Variants in CACNA2D1 observed in about 807,000 individuals in gnomAD.
The protein encoded by CACNA2D1 is calcium voltage-gated channel auxiliary subunit alpha2delta 1.
In CACNA2D1, 53 loss-of-function variants were observed where a neutral mutation model predicts 171.5. The ratio of observed to expected loss-of-function variants is 0.31; its 90% CI spans 0.25 to 0.39. The LOEUF (loss-of-function observed/expected upper bound fraction) is 0.39. CACNA2D1 is among the 10% of genes least tolerant of loss of function. The pLI, the probability that CACNA2D1 is intolerant of heterozygous loss-of-function variation, is 1.00. For missense variants in CACNA2D1, 903 were observed against 1,299.8 expected (o/e 0.69, Z 4.69); for synonymous variants, 442 against 443.1 (o/e 1.00, Z 0.03).
intron 6 of CACNA2D1, among the ~76,000 whole-genome samples, chr7:82,106,666 C>T (rs1787800367): frequency 1.3e-5 from 2 of 151,930 alleles, no homozygotes; most frequent in Admixed American, 6.6e-5. Context: ...TTTCTTTAAA[C>T]ATTGTGCCTA....
At chr7:82,404,807 C>T (rs1406215270) in intron 1 of CACNA2D1, among the ~76,000 whole-genome samples, 1 of 152,052 alleles carries the variant, frequency 6.6e-6, no homozygotes, top group East Asian at 1.9e-4. Context: ...ATCAGTGAGT[C>T]GAGAGAGAGA....
At chr7:82,058,878 G>A (rs901662342) in intron 10 of CACNA2D1, among the ~76,000 whole-genome samples, 2 of 152,094 alleles carry the variant, frequency 1.3e-5, no homozygotes, top group African/African-American at 4.8e-5. Context: ...TATCACCTGT[G>A]AGAGTGTTTT....
intron 1 of CACNA2D1, among the ~76,000 whole-genome samples, chr7:82,365,998 T>TA (rs1365288318): frequency 6.6e-6 from 1 of 152,134 alleles, no homozygotes; most frequent in Non-Finnish European, 1.5e-5. Context: ...AGCCAGTGAA[T>TA]GGAGAAACGT....
At chr7:82,044,220 A>G (rs1232678326) in intron 10 of CACNA2D1, among the ~76,000 whole-genome samples, 1 of 152,140 alleles carries the variant, frequency 6.6e-6, no homozygotes, top group African/African-American at 2.4e-5. Flanking sequence ...CCTTCCCCTC[A>G]GAAAGACCGT....
intron 7 of CACNA2D1, among the ~76,000 whole-genome samples, chr7:82,078,465 T>G (rs747582532): frequency 6.6e-6 from 1 of 152,188 alleles, no homozygotes; most frequent in Non-Finnish European, 1.5e-5. Context: ...TTGATAGCTA[T>G]TGAAAGCAGT....
intron 38 of CACNA2D1, among the ~76,000 whole-genome samples, chr7:81,956,121 G>A (rs1174140746): frequency 6.6e-6 from 1 of 150,544 alleles, no homozygotes; most frequent in Non-Finnish European, 1.5e-5. Context: ...TGGCGTAGCT[G>A]GGACCACCAT....
chr7:82,095,667 T>C (rs565706635), intron 6 of CACNA2D1, among the ~76,000 whole-genome samples: 2 of 151,488 alleles, frequency 1.3e-5, no homozygotes, highest in African/African-American at 4.9e-5. Context: ...ACAATATCTA[T>C]TTGTTAATGA....
intron 1 of CACNA2D1, among the ~76,000 whole-genome samples, chr7:82,432,291 C>T (rs1053183619): frequency 6.6e-6 from 1 of 152,118 alleles, no homozygotes; most frequent in Non-Finnish European, 1.5e-5. Context: ...TGCCACAAAC[C>T]GCAAGCATGG....
chr7:82,267,698 T>C (rs1313864344), intron 3 of CACNA2D1, among the ~76,000 whole-genome samples: 8 of 152,140 alleles, frequency 5.3e-5, no homozygotes, highest in Non-Finnish European at 1.2e-4. Context: ...TGAAAGCCCT[T>C]AAACCTACAA....
Position 82,333,845 on chromosome 7 carries a change from CA to C in CACNA2D1, c.294+1289del. 2.0e-5 allele frequency among the ~76,000 whole-genome samples: 3 copies of C among 152,074 alleles called. No homozygotes were observed. The South Asian group carries it at 6.2e-4, about 32-fold the overall frequency. The stretch of plus-strand genomic sequence containing the variant: ...TGCACGTGGACTAAACACATAAATG[CA>C]AAAGACAAAGCTTAGAATCATGGAG... On this transcript the variant is annotated intron_variant, in intron 3 of 38. Coordinates refer to ENST00000356860, the MANE Select transcript of CACNA2D1 (RefSeq NM_000722.4).
chr7:82,321,124 C>T (rs920000815), intron 3 of CACNA2D1, among the ~76,000 whole-genome samples: 2 of 152,030 alleles, frequency 1.3e-5, no homozygotes, highest in Non-Finnish European at 2.9e-5. Flanking sequence ...GGGTGCTGGG[C>T]GCAATGGCTC....
chr7:82,025,734 T>C (rs1801812477), intron 12 of CACNA2D1, among the ~76,000 whole-genome samples: 1 of 151,752 alleles, frequency 6.6e-6, no homozygotes, highest in Non-Finnish European at 1.5e-5. Flanking sequence ...GAATGTTCCA[T>C]ATGCACTTGA....
At chr7:81,961,314 T>G (rs1794085745) in intron 36 of CACNA2D1, among the ~76,000 whole-genome samples, 1 of 152,010 alleles carries the variant, frequency 6.6e-6, no homozygotes, top group South Asian at 2.1e-4. Flanking sequence ...TAAAAGATAT[T>G]TTATGGATAC....
intron 1 of CACNA2D1, among the ~76,000 whole-genome samples, chr7:82,437,724 T>C (rs1830212112): frequency 1.2e-5 from 1 of 83,352 alleles, no homozygotes; most frequent in South Asian, 4.1e-4. Context: ...AAAGGAGCAA[T>C]GACCGCTTTC....
intron 6 of CACNA2D1, among the ~76,000 whole-genome samples, chr7:82,102,296 A>T (rs1044166931): frequency 1.3e-5 from 2 of 152,052 alleles, no homozygotes; most frequent in Admixed American, 6.6e-5. Flanking sequence ...ATTTTGAAAC[A>T]TCTTGGGGAA....
At chr7:81,995,833 TA>T (rs1446647987) in intron 19 of CACNA2D1, among the ~76,000 whole-genome samples, 1 of 151,212 alleles carries the variant, frequency 6.6e-6, no homozygotes, top group East Asian at 1.9e-4. Flanking sequence ...AAGGTTACAT[TA>T]TCCACTAAAT....
intron 1 of CACNA2D1, among the ~76,000 whole-genome samples, chr7:82,371,707 T>C (rs1239728579): frequency 6.6e-6 from 1 of 152,126 alleles, no homozygotes; most frequent in African/African-American, 2.4e-5. Context: ...CCCGAGTAGC[T>C]GGGACTATAG....
At chr7:82,294,593 C>T (rs1812042041) in intron 3 of CACNA2D1, among the ~76,000 whole-genome samples, 2 of 151,962 alleles carry the variant, frequency 1.3e-5, no homozygotes, top group Non-Finnish European at 2.9e-5. Flanking sequence ...CATTAAGTAT[C>T]TCCCAATGTT....
At chr7:82,388,746 A>T (rs945557823) in intron 1 of CACNA2D1, among the ~76,000 whole-genome samples, 1 of 152,222 alleles carries the variant, frequency 6.6e-6, no homozygotes, top group African/African-American at 2.4e-5. Flanking sequence ...TATGTTTAAG[A>T]TCTCTCCTTA....
Sources: allele counts gnomAD v4.1 joint callset (sites outside exome capture counted in the v4.1 genomes callset), GRCh38; gene constraint gnomAD v4.1.1; transcripts MANE v1.5; gene names NCBI Gene and HGNC (gene_info 2026-07-23, HGNC 2026-07-21).